The following SERPINB5 variants were observed in gnomAD, a reference collection of about 807,000 sequenced individuals.
SERPINB5 encodes the protein serpin family B member 5, also known as serpin B5.
Under a neutral mutation model 32.2 loss-of-function variants are expected in SERPINB5, and 27 were observed. That is an observed-to-expected ratio of 0.84 (90% CI 0.62 to 1.16). The LOEUF (loss-of-function observed/expected upper bound fraction) is 1.16, where lower values mean the gene tolerates loss of function less well. Ranked by LOEUF, SERPINB5 falls within the 50% of genes most tolerant of loss-of-function variation. SERPINB5 has a pLI of 0.00. For missense variants in SERPINB5, 388 were observed against 436.3 expected (o/e 0.89, Z 0.99); for synonymous variants, 154 against 157.4 (o/e 0.98, Z 0.16).
At chr18:63,489,597 T>C (rs973522622) in intron 4 of SERPINB5, 133 bp downstream of exon 4, 10 of 624,374 alleles carry the variant, frequency 1.6e-5, no homozygotes, top group East Asian at 2.8e-5. Context: ...AGCTAAATTC[T>C]TTCCCTTCAA....
intron 1 of SERPINB5, among the ~76,000 whole-genome samples, chr18:63,483,723 A>G (rs1917159004): frequency 6.6e-6 from 1 of 152,242 alleles, no homozygotes. Context: ...ACACAGGTGA[A>G]GACATTTGTG....
intron 1 of SERPINB5, 38 bp from the exon 2 acceptor site, chr18:63,484,384 G>A (rs1383455000): frequency 1.9e-6 from 3 of 1,567,822 alleles, no homozygotes; most frequent in Non-Finnish European, 2.6e-6. Flanking sequence ...CGTTAAAGAT[G>A]CTTTAGAAAC....
intron 1 of SERPINB5, among the ~76,000 whole-genome samples, chr18:63,479,698 G>C (rs1266192144): frequency 6.6e-6 from 1 of 152,120 alleles, no homozygotes; most frequent in East Asian, 1.9e-4. Context: ...CTTGGAGGCA[G>C]GGGCTATGTC....
At position 63,498,671 on chromosome 18, in the gene SERPINB5, G is replaced by C. The variant is rs1909501303; in HGVS notation, c.568-449G>C. On this transcript the variant is annotated intron_variant, in intron 5 of 6. Coordinates refer to ENST00000382771, the MANE Select transcript of SERPINB5 (RefSeq NM_002639.5). This position sits in a 1 kb window ranked among gnomAD's most constrained non-coding sequence, Gnocchi z 4.2. ...CTTCACAGGACAGTCTCTGGTTTCA[G>C]TGCAATACAGTTTGGATCTGAGTGG... 6.6e-6 allele frequency among the ~76,000 whole-genome samples: 1 copy of C among 152,046 alleles called. No individual in the cohort carries two copies. Among genetic ancestry groups the C allele is most frequent in the Admixed American group, 6.6e-5 (1 of 15,254 alleles).
At chr18:63,489,283 G>T (rs755591598) in intron 3 of SERPINB5, 64 bp from the exon 4 acceptor site, 1 of 903,962 alleles carries the variant, frequency 1.1e-6, no homozygotes, top group Non-Finnish European at 1.7e-6. Context: ...CCTTTTGTTA[G>T]AAGAGAATAA....
chr18:63,489,020 A>G (rs886204334), intron 3 of SERPINB5, among the ~76,000 whole-genome samples: 4 of 152,124 alleles, frequency 2.6e-5, no homozygotes, highest in African/African-American at 9.6e-5. Flanking sequence ...TCTAATATAT[A>G]TGTATCTGTA....
Position 63,504,476 on chromosome 18 carries a change from T to C in SERPINB5, c.*754T>C, listed in dbSNP as rs1002673251. ...CTGCCAAATGCGTATGCCACCAACT[T>C]ACAAAAACACTTCGTTCGCAGAGCT... is the stretch of plus-strand genomic sequence containing the variant. On this transcript the variant is annotated 3_prime_UTR_variant, in exon 7 of 7. Coordinates refer to ENST00000382771, the MANE Select transcript of SERPINB5 (RefSeq NM_002639.5). 19 of 152,308 alleles carry C rather than the reference T, an allele frequency of 1.2e-4. No individual in the cohort carries two copies. Among genetic ancestry groups the C allele is most frequent in the African/African-American group, 4.3e-4 (18 of 41,558 alleles). 9.4% of individuals were successfully genotyped at this position (152,308 alleles called of 1,614,324 possible).
rs185105214 is a variant in SERPINB5, at chr18:63,482,869, A to T, written c.-7-1553A>T. On this transcript the variant is annotated intron_variant, in intron 1 of 6. Transcript: ENST00000382771. ...TACTAATATGAATAATATATATATT[A>T]AAAAACATTTTCTAAAGTGAAAAAA... is the stretch of plus-strand genomic sequence containing the variant. Among the ~76,000 whole-genome samples the T allele has an allele frequency of 2.0e-4, 30 of 150,860 alleles. No homozygotes were observed. In the East Asian group the frequency reaches 5.2e-3, roughly 26 times the overall value.
intron 6 of SERPINB5, among the ~76,000 whole-genome samples, chr18:63,500,838 C>A (rs1295202716): frequency 6.6e-6 from 1 of 152,260 alleles, no homozygotes; most frequent in East Asian, 1.9e-4. Context: ...TATGTTTTAG[C>A]CACCACTTTA....
At chr18:63,491,790 A>C (rs1356732378) in intron 4 of SERPINB5, among the ~76,000 whole-genome samples, 1 of 152,072 alleles carries the variant, frequency 6.6e-6, no homozygotes, top group Non-Finnish European at 1.5e-5. Context: ...AAGACTTCTG[A>C]GTTTGAAATG....
At chr18:63,481,730 A>G (rs1359164329) in intron 1 of SERPINB5, among the ~76,000 whole-genome samples, 2 of 152,208 alleles carry the variant, frequency 1.3e-5, no homozygotes, top group South Asian at 2.1e-4. Context: ...CCTTTTGTGA[A>G]GAGTTTCTTT....
intron 4 of SERPINB5, among the ~76,000 whole-genome samples, chr18:63,492,571 C>T (rs182916156): frequency 2.6e-5 from 4 of 152,362 alleles, no homozygotes; most frequent in African/African-American, 9.6e-5. Context: ...GTTTATATAT[C>T]ATCCTTGAAA....
At chr18:63,501,003 A>G (rs1391470022) in intron 6 of SERPINB5, among the ~76,000 whole-genome samples, 1 of 143,796 alleles carries the variant, frequency 7.0e-6, no homozygotes, top group African/African-American at 2.6e-5. Context: ...AACATCAATT[A>G]TTTTCTTCTT....
At chr18:63,502,040 T>C (rs1295078348) in intron 6 of SERPINB5, among the ~76,000 whole-genome samples, 1 of 152,228 alleles carries the variant, frequency 6.6e-6, no homozygotes, top group Non-Finnish European at 1.5e-5. Flanking sequence ...CAGAAGCTCT[T>C]TAGTTTAATT....
At chr18:63,494,615 A>G (rs1909411105) in intron 5 of SERPINB5, among the ~76,000 whole-genome samples, 1 of 152,154 alleles carries the variant, frequency 6.6e-6, no homozygotes, top group African/African-American at 2.4e-5. Context: ...TTTTTGCCAA[A>G]TATAGTAGCA....
At position 63,503,612 on chromosome 18, in the gene SERPINB5, C is replaced by T. The variant is rs760373775; in HGVS notation, c.1018C>T (p.Arg340Trp). The change falls in exon 7 of 7, where the codon CGG (arginine) becomes TGG (tryptophan). Residue 340 changes from arginine (R) to tryptophan (W), a missense_variant. Physicochemically the swap from Arg to Trp is moderately radical, Grantham distance 101. Coordinates refer to ENST00000382771, the MANE Select transcript of SERPINB5 (RefSeq NM_002639.5). ...GGATTCCATAGAGGTGCCAGGAGCA[C>T]GGATCCTGCAGCACAAGGATGAATT... ...GGDSIEVPGARILQHKDELNA... is the reference protein window; with the variant it reads ...GGDSIEVPGAWILQHKDELNA... 39 of 1,614,102 alleles carry T rather than the reference C, an allele frequency of 2.4e-5. No individual in the cohort carries two copies. Among genetic ancestry groups the T allele is most frequent in the African/African-American group, 5.3e-5 (4 of 74,944 alleles).
Position 63,503,537 on chromosome 18 carries a change from C to G in SERPINB5, c.943C>G (p.Leu315Val), listed in dbSNP as rs775092733. 1.1e-5 allele frequency: 18 copies of G among 1,614,218 alleles called. No individual in the cohort carries two copies. The East Asian group carries it at 3.8e-4, about 34-fold the overall frequency. The change falls in exon 7 of 7, where the codon CTA (leucine) becomes GTA (valine). Residue 315 changes from leucine to valine, a missense_variant. Physicochemically the swap from Leu to Val is conservative, Grantham distance 32 (BLOSUM62 1). Coordinates refer to ENST00000382771, the MANE Select transcript of SERPINB5 (RefSeq NM_002639.5). The stretch of plus-strand genomic sequence containing the variant: ...AATGTCAGAGACCAAGGGAGTGGCC[C>G]TATCAAATGTTATCCACAAAGTGTG... ...SGMSETKGVA[L>V]SNVIHKVCLE...
intron 3 of SERPINB5, 26 bp downstream of exon 3, chr18:63,487,109 GACTTA>G (rs774824417): frequency 6.2e-7 from 1 of 1,604,938 alleles, no homozygotes; most frequent in South Asian, 1.1e-5. Flanking sequence ...CAAGTAGCAA[GACTTA>G]ACTTTTTACA....
At chr18:63,495,404 T>A (rs1909426676) in intron 5 of SERPINB5, among the ~76,000 whole-genome samples, 1 of 152,192 alleles carries the variant, frequency 6.6e-6, no homozygotes, top group African/African-American at 2.4e-5. Flanking sequence ...CCACACAGCC[T>A]TTGCTGTCAT....
Sources: gnomAD v4.1 joint callset for allele counts (sites outside exome capture counted in the v4.1 genomes callset) on GRCh38, gnomAD v4.1.1 for gene constraint, Gnocchi (gnomAD v3.1) non-coding constraint, MANE v1.5 for transcripts, NCBI Gene and HGNC (gene_info 2026-07-23, HGNC 2026-07-21) for gene names.